SUPT3H: variants seen among roughly 807,000 people sequenced by gnomAD.
SUPT3H encodes SPT3 homolog, SAGA and STAGA complex component.
Under a neutral mutation model 44.3 loss-of-function variants are expected in SUPT3H, and 44 were observed. That is an observed-to-expected ratio of 0.99 (90% CI 0.78 to 1.28). SUPT3H has a LOEUF of 1.28. Among genes scored for constraint, SUPT3H ranks in the 50% most tolerant of loss-of-function variants. SUPT3H has a pLI of 0.00. For missense variants in SUPT3H, 380 were observed against 387.1 expected, an observed-to-expected ratio of 0.98 and a Z score of 0.15; for synonymous variants, 124 against 125.6, an observed-to-expected ratio of 0.99 and a Z score of 0.09.
At chr6:45,255,419 T>TA (rs550847792) in intron 2 of SUPT3H, among the ~76,000 whole-genome samples, 1 of 10,158 alleles carries the variant, frequency 9.8e-5, no homozygotes, top group Admixed American at 7.4e-4. Context: ...CTATAATAGG[T>TA]TTTTTTTTTT....
chr6:45,361,894 T>A (rs1406431100), intron 2 of SUPT3H, among the ~76,000 whole-genome samples: 2 of 151,942 alleles, frequency 1.3e-5, no homozygotes, highest in Non-Finnish European at 2.9e-5. Flanking sequence ...CTACTAAAAA[T>A]ACAAAAATCA....
intron 2 of SUPT3H, among the ~76,000 whole-genome samples, chr6:45,306,545 A>G (rs1490404603): frequency 6.6e-6 from 1 of 152,180 alleles, no homozygotes; most frequent in Non-Finnish European, 1.5e-5. Context: ...AACTAGCCCA[A>G]AAAGTCTGCA....
intron 10 of SUPT3H, among the ~76,000 whole-genome samples, chr6:44,902,846 CA>C (rs1303195822): frequency 6.6e-6 from 1 of 152,164 alleles, no homozygotes; most frequent in African/African-American, 2.4e-5. Context: ...GACCACAGTG[CA>C]ATCAAACCAG....
At chr6:45,050,716 A>G (rs1790145743) in intron 3 of SUPT3H, among the ~76,000 whole-genome samples, 1 of 152,140 alleles carries the variant, frequency 6.6e-6, no homozygotes. Flanking sequence ...GTTACATTTC[A>G]AAAGCTACTT....
intron 10 of SUPT3H, among the ~76,000 whole-genome samples, chr6:44,910,972 G>A (rs1766929964): frequency 8.3e-6 from 1 of 120,116 alleles, no homozygotes; most frequent in Non-Finnish European, 1.6e-5. Context: ...TCCAGCCTGG[G>A]CAACAGAGTG....
chr6:45,202,256 C>A (rs1762551272), intron 2 of SUPT3H, among the ~76,000 whole-genome samples: 1 of 151,662 alleles, frequency 6.6e-6, no homozygotes, highest in African/African-American at 2.4e-5. Context: ...TCATAAGAAT[C>A]TTTTAATAAT....
intron 10 of SUPT3H, among the ~76,000 whole-genome samples, chr6:44,919,625 G>T (rs1425940405): frequency 6.6e-6 from 1 of 151,752 alleles, no homozygotes; most frequent in Non-Finnish European, 1.5e-5. Flanking sequence ...ATTTCTAATT[G>T]TCTGTTCTAT....
At chr6:44,856,843 T>C (rs1773815842) in intron 10 of SUPT3H, among the ~76,000 whole-genome samples, 1 of 152,252 alleles carries the variant, frequency 6.6e-6, no homozygotes, top group Admixed American at 6.5e-5. Context: ...TCCCTAATGA[T>C]GTGCTATGCT....
At chr6:45,058,628 C>T (rs1480567556) in intron 3 of SUPT3H, among the ~76,000 whole-genome samples, 2 of 152,086 alleles carry the variant, frequency 1.3e-5, no homozygotes, top group Admixed American at 1.3e-4. Context: ...GATTCCAACC[C>T]TTCCTACTAA....
chr6:45,307,848 G>A (rs1475404016), intron 2 of SUPT3H, among the ~76,000 whole-genome samples: 8 of 151,724 alleles, frequency 5.3e-5, no homozygotes, highest in Admixed American at 5.3e-4. Flanking sequence ...TCAAACCCAT[G>A]GCAAACCTTG....
intron 2 of SUPT3H, among the ~76,000 whole-genome samples, chr6:45,281,744 T>C (rs1238654178): frequency 6.6e-6 from 1 of 152,018 alleles, no homozygotes; most frequent in Non-Finnish European, 1.5e-5. Context: ...AAGAGAGTGG[T>C]TCTCCCAGCA....
chr6:45,272,238 G>A (rs1776307520), intron 2 of SUPT3H, among the ~76,000 whole-genome samples: 1 of 152,124 alleles, frequency 6.6e-6, no homozygotes, highest in Non-Finnish European at 1.5e-5. Flanking sequence ...TTTGGGAGGG[G>A]CTAGGGATGA....
At chr6:44,881,930 A>C (rs531804327) in intron 10 of SUPT3H, among the ~76,000 whole-genome samples, 2 of 152,308 alleles carry the variant, frequency 1.3e-5, no homozygotes, top group Non-Finnish European at 1.5e-5. Flanking sequence ...CACAGGAGAA[A>C]GTGGGAAAGA....
intron 2 of SUPT3H, among the ~76,000 whole-genome samples, chr6:45,338,713 A>G (rs1054872769): frequency 6.6e-6 from 1 of 152,140 alleles, no homozygotes; most frequent in African/African-American, 2.4e-5. Context: ...TCGTTTTGTC[A>G]TCAATTTTTT....
At chr6:45,274,497 A>C (rs1028500811) in intron 2 of SUPT3H, among the ~76,000 whole-genome samples, 1 of 152,224 alleles carries the variant, frequency 6.6e-6, no homozygotes, top group East Asian at 1.9e-4. Context: ...CGGCATGAAG[A>C]AGAGGTCCAA....
At chr6:45,016,587 T>A (rs139175721) in intron 4 of SUPT3H, among the ~76,000 whole-genome samples, 1 of 146,706 alleles carries the variant, frequency 6.8e-6, no homozygotes. Context: ...AGTGAGAACA[T>A]GCAGTGTTTG....
intron 2 of SUPT3H, among the ~76,000 whole-genome samples, chr6:45,134,947 G>A (rs1309430533): frequency 1.3e-5 from 2 of 152,172 alleles, no homozygotes; most frequent in Non-Finnish European, 2.9e-5. Context: ...CCTCCAGGGT[G>A]TCCACAACAT....
intron 2 of SUPT3H, among the ~76,000 whole-genome samples, chr6:45,118,666 T>A (rs1801177420): frequency 6.6e-6 from 1 of 152,150 alleles, no homozygotes; most frequent in Admixed American, 6.6e-5. Flanking sequence ...AGCCAATGCC[T>A]TCCAAACTTA....
At chr6:45,034,767 A>G (rs1339107400) in intron 3 of SUPT3H, among the ~76,000 whole-genome samples, 3 of 152,170 alleles carry the variant, frequency 2.0e-5, no homozygotes, top group African/African-American at 7.2e-5. Flanking sequence ...AACCCTTGTA[A>G]AAACCTTGTT....
Sources: gnomAD v4.1 joint callset for allele counts (sites outside exome capture counted in the v4.1 genomes callset) on GRCh38, gnomAD v4.1.1 for gene constraint, MANE v1.5 for transcripts, NCBI Gene and HGNC (gene_info 2026-07-23, HGNC 2026-07-21) for gene names.